RBFOX1: variants seen among roughly 807,000 people sequenced by gnomAD.
RBFOX1 encodes RNA binding fox-1 homolog 1.
A neutral mutation model predicts 57.7 loss-of-function variants in RBFOX1; 8 were observed. The observed-to-expected ratio is 0.14, with a 90% confidence interval of 0.08 to 0.25. The LOEUF (loss-of-function observed/expected upper bound fraction) is 0.25, where lower values mean the gene tolerates loss of function less well. Ranked by LOEUF, RBFOX1 falls within the 10% of genes least tolerant of loss-of-function variation. RBFOX1 has a pLI of 1.00. For missense variants in RBFOX1, 611 were observed against 548.5 expected (o/e 1.11, Z -1.14); for synonymous variants, 326 against 222.4 (o/e 1.47, Z -4.15).
At chr16:5,401,759 GTCTC>G (rs552689202) in intron 1 of RBFOX1, among the ~76,000 whole-genome samples, 8,339 of 108,748 alleles carry the variant, frequency 0.077, 346 homozygotes, top group Middle Eastern at 0.2. Flanking sequence ...CTCTCTCCCT[GTCTC>G]TCTCCTCCTC....
At chr16:6,902,347 TA>T (rs2068698904) in intron 3 of RBFOX1, among the ~76,000 whole-genome samples, 1 of 152,170 alleles carries the variant, frequency 6.6e-6, no homozygotes. Flanking sequence ...ACTCTGTTAG[TA>T]ATTTCAAGTT....
chr16:6,783,310 C>A (rs550638606), intron 3 of RBFOX1, among the ~76,000 whole-genome samples: 1 of 150,178 alleles, frequency 6.7e-6, no homozygotes, highest in Admixed American at 6.6e-5. Context: ...TGTTAGTTCT[C>A]TCTTCCTTTT....
At chr16:5,422,217 AGAGGAGGGAGAGGGAGAGG>A (rs1446660438) in intron 1 of RBFOX1, among the ~76,000 whole-genome samples, 10 of 143,008 alleles carry the variant, frequency 7.0e-5, no homozygotes, top group African/African-American at 2.6e-4. Context: ...GGTGGAGGAG[AGAGGAGGGAGAGGGAGAGG>A]GAGGAGGAGC....
chr16:5,813,364 CAG>C (rs893518766), intron 3 of RBFOX1, among the ~76,000 whole-genome samples: 16 of 152,184 alleles, frequency 1.1e-4, no homozygotes, highest in African/African-American at 3.6e-4. Context: ...GTCACCCAAA[CAG>C]AAAACTCGTA....
At chr16:6,004,497 G>C (rs1207939307) in intron 4 of RBFOX1, among the ~76,000 whole-genome samples, 1 of 152,144 alleles carries the variant, frequency 6.6e-6, no homozygotes, top group Non-Finnish European at 1.5e-5. Flanking sequence ...GCAATACTTG[G>C]CATATCAGAG....
intron 3 of RBFOX1, among the ~76,000 whole-genome samples, chr16:6,970,061 C>T (rs962306547): frequency 6.6e-6 from 1 of 151,688 alleles, no homozygotes; most frequent in Non-Finnish European, 1.5e-5. Context: ...ACCTGTAGTT[C>T]CAGCTACTTG....
At chr16:7,534,761 C>T (rs1294451990) in intron 5 of RBFOX1, among the ~76,000 whole-genome samples, 1 of 133,478 alleles carries the variant, frequency 7.5e-6, no homozygotes, top group African/African-American at 2.9e-5. Flanking sequence ...AGAAGAAAAT[C>T]CTAATGAGCA....
chr16:5,728,154 A>G (rs1009879422), intron 3 of RBFOX1, among the ~76,000 whole-genome samples: 3 of 152,256 alleles, frequency 2.0e-5, no homozygotes, highest in Non-Finnish European at 4.4e-5. Context: ...TATCTGTGTC[A>G]TCACGCTCAT....
chr16:6,845,340 T>C (rs1252835736), intron 3 of RBFOX1, among the ~76,000 whole-genome samples: 1 of 151,982 alleles, frequency 6.6e-6, no homozygotes, highest in Non-Finnish European at 1.5e-5. Context: ...TTAATCTTTC[T>C]TGAGTTAATT....
At chr16:5,378,315 C>T (rs1200448368) in intron 1 of RBFOX1, among the ~76,000 whole-genome samples, 1 of 151,504 alleles carries the variant, frequency 6.6e-6, no homozygotes, top group Non-Finnish European at 1.5e-5. Context: ...AGATGTCCTG[C>T]CTCTGCTGGC....
At chr16:6,719,728 G>A (rs1484990720) in intron 3 of RBFOX1, among the ~76,000 whole-genome samples, 3 of 151,942 alleles carry the variant, frequency 2.0e-5, no homozygotes, top group Non-Finnish European at 4.4e-5. Context: ...TTACAGGCGT[G>A]AGCCACCGCA....
At chr16:7,168,843 G>A (rs946327861) in intron 4 of RBFOX1, among the ~76,000 whole-genome samples, 1 of 152,066 alleles carries the variant, frequency 6.6e-6, no homozygotes, top group Non-Finnish European at 1.5e-5. Context: ...TCATTCTCCT[G>A]ACATGAACAA....
intron 2 of RBFOX1, among the ~76,000 whole-genome samples, chr16:5,558,457 C>T (rs2045764194): frequency 1.3e-5 from 2 of 152,124 alleles, no homozygotes; most frequent in South Asian, 4.1e-4. Flanking sequence ...AGCCCTGTCA[C>T]ACATCCTGCC....
At chr16:6,816,228 C>T (rs2090035714) in intron 3 of RBFOX1, among the ~76,000 whole-genome samples, 1 of 152,092 alleles carries the variant, frequency 6.6e-6, no homozygotes, top group Admixed American at 6.6e-5. Context: ...AGGATTGCTT[C>T]AGTACTGGAG....
intron 3 of RBFOX1, among the ~76,000 whole-genome samples, chr16:6,715,225 A>G (rs1413612170): frequency 1.3e-5 from 2 of 151,962 alleles, no homozygotes; most frequent in Non-Finnish European, 2.9e-5. Flanking sequence ...CACACAGAAC[A>G]ATGAATCTTT....
chr16:5,256,004 A>G (rs572536015), intron 1 of RBFOX1, among the ~76,000 whole-genome samples: 4 of 152,000 alleles, frequency 2.6e-5, no homozygotes, highest in East Asian at 3.9e-4. Flanking sequence ...TCGACACTCA[A>G]TAGAGATTAG....
chr16:6,244,873 T>C (rs2097560643), intron 1 of RBFOX1, among the ~76,000 whole-genome samples: 1 of 152,220 alleles, frequency 6.6e-6, no homozygotes, highest in Non-Finnish European at 1.5e-5. Flanking sequence ...TCTCTCCTGC[T>C]GGTCTGTTTT....
chr16:7,218,131 C>G (rs1292430669), intron 4 of RBFOX1, among the ~76,000 whole-genome samples: 2 of 151,898 alleles, frequency 1.3e-5, no homozygotes, highest in Non-Finnish European at 2.9e-5. Context: ...AGAAGTCAGG[C>G]TGAATCATCC....
At chr16:6,181,441 TG>T (rs923493249) in intron 1 of RBFOX1, among the ~76,000 whole-genome samples, 2 of 152,254 alleles carry the variant, frequency 1.3e-5, no homozygotes, top group Admixed American at 1.3e-4. Context: ...GCTGAAATTT[TG>T]GGGGGGTCAG....
Sources: gnomAD v4.1 joint callset for allele counts (sites outside exome capture counted in the v4.1 genomes callset) on GRCh38, gnomAD v4.1.1 for gene constraint, MANE v1.5 for transcripts, NCBI Gene and HGNC (gene_info 2026-07-23, HGNC 2026-07-21) for gene names.